SDK1: variants seen among roughly 807,000 people sequenced by gnomAD.
The protein encoded by SDK1 is protein sidekick-1.
In SDK1, 157 loss-of-function variants were observed where a neutral mutation model predicts 245.5. That is an observed-to-expected ratio of 0.64 (90% confidence interval 0.56 to 0.73). The LOEUF (loss-of-function observed/expected upper bound fraction) is 0.73. Among genes scored for constraint, SDK1 ranks in the 30% least tolerant of loss-of-function variants. The pLI is 0.00. For missense variants in SDK1, 3,583 were observed against 3,002.3 expected (o/e 1.19, Z -4.52); for synonymous variants, 1,647 against 1,278.5 (o/e 1.29, Z -6.15).
chr7:3,536,579 A>C (rs898143760), intron 1 of SDK1, among the ~76,000 whole-genome samples: 2 of 152,032 alleles, frequency 1.3e-5, no homozygotes, highest in African/African-American at 4.8e-5. Flanking sequence ...CTGTGATCCC[A>C]GCTACTTGGG....
intron 1 of SDK1, among the ~76,000 whole-genome samples, chr7:3,603,176 G>C (rs1433633411): frequency 7.2e-6 from 1 of 138,032 alleles, no homozygotes; most frequent in African/African-American, 2.7e-5. Flanking sequence ...CTCTTTTTTG[G>C]TTCCAGATGA....
In SDK1 at chr7:3,998,175, A is replaced by T. The variant is rs1481958558; in HGVS notation, c.2131+10853A>T. On this transcript the variant is annotated intron_variant, in intron 14 of 44. Transcript: ENST00000404826. ...CCAGGTCTGCAGCCACGGTTTGGGCATCTGCAGCGGCACCCCGGGAGCTCC... is the reference window on the plus strand; with the variant it reads ...CCAGGTCTGCAGCCACGGTTTGGGCTTCTGCAGCGGCACCCCGGGAGCTCC... 2.0e-5 allele frequency among the ~76,000 whole-genome samples: 3 copies of T among 152,222 alleles called. No individual in the cohort carries two copies. In the East Asian group the frequency reaches 5.8e-4, roughly 29 times the overall value.
At chr7:3,565,306 T>G (rs1779876663) in intron 1 of SDK1, among the ~76,000 whole-genome samples, 1 of 152,054 alleles carries the variant, frequency 6.6e-6, no homozygotes. Flanking sequence ...ATCTGGGAAA[T>G]ATGGTTGTTA....
intron 1 of SDK1, among the ~76,000 whole-genome samples, chr7:3,430,167 G>T (rs147467763): frequency 6.6e-6 from 1 of 152,098 alleles, no homozygotes; most frequent in Admixed American, 6.6e-5. Context: ...CTTCATCTCC[G>T]CATGCTCCTA....
chr7:3,914,240 C>G (rs1365218411), intron 5 of SDK1, among the ~76,000 whole-genome samples: 9 of 152,318 alleles, frequency 5.9e-5, no homozygotes, highest in Non-Finnish European at 1.0e-4. Context: ...TATTACCGTA[C>G]TTGCCTATTT....
chr7:3,395,162 G>C (rs1037836934), intron 1 of SDK1, among the ~76,000 whole-genome samples: 2 of 151,802 alleles, frequency 1.3e-5, no homozygotes, highest in Non-Finnish European at 2.9e-5. Flanking sequence ...TCTATTCTAA[G>C]GTTGCTGAGA....
At chr7:3,470,621 A>C (rs767088744) in intron 1 of SDK1, among the ~76,000 whole-genome samples, 2 of 152,134 alleles carry the variant, frequency 1.3e-5, no homozygotes, top group African/African-American at 2.4e-5. Flanking sequence ...GGCAGTATGA[A>C]AGGACAGGAA....
At chr7:4,223,487 C>T (rs80158859) in intron 40 of SDK1, among the ~76,000 whole-genome samples, 3,060 of 152,310 alleles carry the variant, frequency 0.02, 80 homozygotes, top group African/African-American at 0.069. Context: ...ACCTCTCCCC[C>T]ACTTCTGGTG....
At chr7:3,449,782 A>T (rs79463811) in intron 1 of SDK1, among the ~76,000 whole-genome samples, 6 of 152,194 alleles carry the variant, frequency 3.9e-5, no homozygotes, top group Non-Finnish European at 8.8e-5. Flanking sequence ...TTTACTGAAC[A>T]TCAGCTGTGC....
chr7:4,212,927 C>G (rs534560427), intron 38 of SDK1, among the ~76,000 whole-genome samples: 1 of 152,140 alleles, frequency 6.6e-6, no homozygotes, highest in African/African-American at 2.4e-5. Flanking sequence ...GCAGAATCTC[C>G]GTGGAAACTC....
intron 1 of SDK1, among the ~76,000 whole-genome samples, chr7:3,503,419 C>G (rs1176871513): frequency 6.6e-6 from 1 of 152,138 alleles, no homozygotes; most frequent in Non-Finnish European, 1.5e-5. Context: ...GTGGCTCATG[C>G]CCATAATCTC....
chr7:3,354,307 C>G (rs1780737244), intron 1 of SDK1, among the ~76,000 whole-genome samples: 1 of 151,520 alleles, frequency 6.6e-6, no homozygotes, highest in Non-Finnish European at 1.5e-5. Context: ...ATTTAACCAG[C>G]ATTCAGATTA....
chr7:3,696,572 TTGTGTGTGTGTGTG>T (rs71552319), intron 4 of SDK1, among the ~76,000 whole-genome samples: 3 of 147,906 alleles, frequency 2.0e-5, no homozygotes, highest in Admixed American at 6.7e-5. Flanking sequence ...TTCTCTGTGT[TTGTGTGTGTGTGTG>T]TGTGTGTGTG....
At chr7:4,234,525 C>T (rs529691632) in intron 41 of SDK1, among the ~76,000 whole-genome samples, 75 of 152,124 alleles carry the variant, frequency 4.9e-4, no homozygotes, top group East Asian at 3.5e-3. Context: ...CAGAAGGTGG[C>T]GGAGAAAAAG....
intron 3 of SDK1, among the ~76,000 whole-genome samples, chr7:3,641,741 G>T (rs1391036107): frequency 6.6e-6 from 1 of 152,254 alleles, no homozygotes; most frequent in Non-Finnish European, 1.5e-5. Flanking sequence ...GCTGAGGAAT[G>T]TGCAGCGTGG....
At chr7:4,146,349 T>A (rs1407688822) in intron 29 of SDK1, among the ~76,000 whole-genome samples, 3 of 150,922 alleles carry the variant, frequency 2.0e-5, no homozygotes, top group Admixed American at 6.6e-5. Flanking sequence ...CATGTGAGCA[T>A]TGCATTCACA....
intron 1 of SDK1, among the ~76,000 whole-genome samples, chr7:3,420,812 A>G (rs756997596): frequency 2.0e-5 from 3 of 152,178 alleles, no homozygotes; most frequent in Admixed American, 1.3e-4. Flanking sequence ...TTACATAGAT[A>G]AACATGTACC....
chr7:3,788,209 A>G (rs1369414466), intron 4 of SDK1, among the ~76,000 whole-genome samples: 1 of 152,212 alleles, frequency 6.6e-6, no homozygotes, highest in Non-Finnish European at 1.5e-5. Flanking sequence ...CCGCCTCTCA[A>G]CAGTCATGGG....
Position 4,265,319 on chromosome 7 carries a change from G to A in SDK1, c.6577G>A (p.Gly2193Ser), listed in dbSNP as rs1249906683. Residue 2193 changes from glycine to serine, a missense_variant, in exon 45 of 45, where the codon GGC becomes AGC. Gly to Ser is a moderately conservative substitution (Grantham distance 56, BLOSUM62 0). Coordinates refer to ENST00000404826, the MANE Select transcript of SDK1 (RefSeq NM_152744.4). ...HPVITTQSAG[G>S]VYTPAGPGAR... ...GGTCATCACCACGCAGAGCGCGGGC[G>A]GCGTCTACACCCCCGCTGGCCCCGG... The A allele has an allele frequency of 1.9e-6, 3 of 1,542,796 alleles. No homozygotes were observed. Among genetic ancestry groups the A allele is most frequent in the African/African-American group, 2.7e-5 (2 of 72,774 alleles).
Sources: gnomAD v4.1 joint callset for allele counts (sites outside exome capture counted in the v4.1 genomes callset) on GRCh38, gnomAD v4.1.1 for gene constraint, MANE v1.5 for transcripts, NCBI Gene and HGNC (gene_info 2026-07-23, HGNC 2026-07-21) for gene names.